CD109: variants seen among roughly 807,000 people sequenced by gnomAD.
CD109 encodes CD109 antigen.
A neutral mutation model predicts 165.8 loss-of-function variants in CD109; 149 were observed. That is an observed-to-expected ratio of 0.90 (90% CI 0.79 to 1.03). The LOEUF (loss-of-function observed/expected upper bound fraction) is 1.03. Among genes scored for constraint, CD109 ranks in the 50% least tolerant of loss-of-function variants. The pLI is 0.00. For missense variants in CD109, 1,712 were observed against 1,677.8 expected (o/e 1.02, Z -0.36); for synonymous variants, 585 against 592.1 (o/e 0.99, Z 0.18).
chr6:73,786,501 T>C (rs1387281185), intron 20 of CD109, among the ~76,000 whole-genome samples: 1 of 152,072 alleles, frequency 6.6e-6, no homozygotes, highest in Non-Finnish European at 1.5e-5. Context: ...CATGGTACCA[T>C]GTAACAAGCA....
chr6:73,711,362 G>A (rs914414395), intron 2 of CD109, among the ~76,000 whole-genome samples: 19 of 152,018 alleles, frequency 1.2e-4, no homozygotes, highest in African/African-American at 4.6e-4. Flanking sequence ...AAATAAGAGA[G>A]AAAAATATAA....
Position 73,823,548 on chromosome 6 carries a change from A to G in CD109, c.4253A>G (p.Asp1418Gly). 1 of 1,613,936 alleles carries G rather than the reference A, an allele frequency of 6.2e-7. No individual in the cohort carries two copies. The highest frequency in any genetic ancestry group is 8.5e-7 in the Non-Finnish European group (1 of 1,179,942). Reference sequence around the variant, plus strand: ...GTCCAGGGCTGCCGTCCTTGTGAGGATGGAGCTTCAGGCTCCCATCATCAC... The same window carrying G: ...GTCCAGGGCTGCCGTCCTTGTGAGGGTGGAGCTTCAGGCTCCCATCATCAC... ...SDVQGCRPCE[D>G]GASGSHHHSS... Residue 1418 changes from aspartate to glycine, a missense_variant, in exon 33 of 33, where the codon GAT (aspartate) becomes GGT (glycine). By Grantham distance (94) the Asp-to-Gly change is moderately conservative. Coordinates refer to ENST00000287097, the MANE Select transcript of CD109 (RefSeq NM_133493.5).
intron 29 of CD109, among the ~76,000 whole-genome samples, chr6:73,814,062 A>G (rs1387662792): frequency 6.6e-6 from 1 of 152,176 alleles, no homozygotes; most frequent in Non-Finnish European, 1.5e-5. Context: ...TTGTGGCAGA[A>G]TAAGAAGATT....
intron 7 of CD109, among the ~76,000 whole-genome samples, chr6:73,760,150 G>A (rs140555489): frequency 1.3e-5 from 2 of 152,262 alleles, no homozygotes; most frequent in East Asian, 3.9e-4. Flanking sequence ...GCTCACGCCT[G>A]TAATCCCAGC....
At chr6:73,686,599 A>G in the CD109 span, among the ~76,000 whole-genome samples, 45 of 152,326 alleles carry the variant, frequency 3.0e-4, no homozygotes, top group African/African-American at 7.7e-4. Context: ...ATACAATCCA[A>G]TGTGGTAGCT....
At position 73,787,425 on chromosome 6, in the gene CD109, T is replaced by A; in HGVS notation, c.2529T>A (p.Asp843Glu). Residue 843 changes from aspartate (D) to glutamate (E), a missense_variant, in exon 21 of 33, where the codon GAT becomes GAA. Transcript: ENST00000287097. ...TVTALSPTAS[D>E]AVTQMILVKA... is the part of the protein sequence containing the mutation. ...CAGCTCTTTCACCCACTGCTTCTGA[T>A]GCTGTCACCCAGATGATTTTAGTAA... The A allele has an allele frequency of 1.2e-6, 2 of 1,613,374 alleles. No homozygotes were observed. The highest frequency in any genetic ancestry group is 1.7e-6 in the Non-Finnish European group (2 of 1,179,362).
chr6:73,810,206 A>G (rs767824734), intron 27 of CD109, 32 bp downstream of exon 27: 21 of 714,230 alleles, frequency 2.9e-5, no homozygotes, highest in Non-Finnish European at 4.1e-5. Context: ...CCTTTAAACT[A>G]TAATATATAA....
At chr6:73,703,839 T>C (rs1014602060) in intron 2 of CD109, among the ~76,000 whole-genome samples, 6 of 152,146 alleles carry the variant, frequency 3.9e-5, no homozygotes, top group African/African-American at 1.4e-4. Flanking sequence ...AGAGTCCAAA[T>C]TGTATTTATT....
At chr6:73,749,670 A>G (rs1773115703) in intron 5 of CD109, among the ~76,000 whole-genome samples, 1 of 152,224 alleles carries the variant, frequency 6.6e-6, no homozygotes, top group Non-Finnish European at 1.5e-5. Context: ...ATGTGTGTGA[A>G]TGGGTCTCTC....
chr6:73,689,253 A>G, the CD109 span, among the ~76,000 whole-genome samples: 1 of 152,136 alleles, frequency 6.6e-6, no homozygotes, highest in South Asian at 2.1e-4. Context: ...GATTGTGGGA[A>G]CCCCAATTTA....
At position 73,697,397 on chromosome 6, in the gene CD109, T is replaced by C. The variant is rs756574515; in HGVS notation, c.75-3T>C. On this transcript the variant is annotated splice_region_variant and splice_polypyrimidine_tract_variant and intron_variant, in intron 1 of 32. Coordinates refer to ENST00000287097, the MANE Select transcript of CD109 (RefSeq NM_133493.5). ...TGTTTTTCCCTTGTTGGGAACTCTTTAGGCCTCGGTTTCTGGTGACAGCCC... is the reference window on the plus strand; with the variant it reads ...TGTTTTTCCCTTGTTGGGAACTCTTCAGGCCTCGGTTTCTGGTGACAGCCC... The C allele has an allele frequency of 6.2e-7, 1 of 1,613,644 alleles. No individual in the cohort carries two copies. Among genetic ancestry groups the C allele is most frequent in the Non-Finnish European group, 8.5e-7 (1 of 1,179,880 alleles).
intron 23 of CD109, 89 bp downstream of exon 23, chr6:73,792,891 T>A: frequency 3.0e-6 from 3 of 1,000,994 alleles, no homozygotes; most frequent in Non-Finnish European, 4.3e-6. Context: ...TCAAAATAGA[T>A]GGATTTTGTC....
the CD109 span, among the ~76,000 whole-genome samples, chr6:73,679,691 A>G: frequency 6.6e-6 from 1 of 151,316 alleles, no homozygotes. Context: ...GCTGGAGTGC[A>G]GCGGCACGAT....
the CD109 span, among the ~76,000 whole-genome samples, chr6:73,685,953 C>G: frequency 6.6e-6 from 1 of 152,244 alleles, no homozygotes; most frequent in African/African-American, 2.4e-5. Flanking sequence ...ACTTGTAGTA[C>G]TATATGGAGT....
the CD109 span, among the ~76,000 whole-genome samples, chr6:73,680,691 T>C: frequency 1.3e-5 from 2 of 152,094 alleles, no homozygotes; most frequent in African/African-American, 4.8e-5. Flanking sequence ...AAGAGGTGGA[T>C]TGATGGGGAA....
rs138997137 is a variant in CD109 at position 73,810,077 on chromosome 6, T to G, written c.3449T>G (p.Leu1150Arg). ...LDIEVAAYALLSHFLQFQTSE... is the reference protein window; with the variant it reads ...LDIEVAAYALRSHFLQFQTSE... ...ATTGAAGTTGCAGCCTATGCACTGC[T>G]CTCACACTTCTTACAATTTCAGACT... is the stretch of plus-strand genomic sequence containing the variant. The change falls in exon 27 of 33, where the codon CTC becomes CGC. Residue 1150 changes from leucine (L) to arginine (R), a missense_variant. Coordinates refer to ENST00000287097, the MANE Select transcript of CD109 (RefSeq NM_133493.5). The G allele has an allele frequency of 6.2e-7, 1 of 1,610,884 alleles. No homozygotes were observed. The highest frequency in any genetic ancestry group is 1.3e-5 in the African/African-American group (1 of 74,838).
At chr6:73,797,775 A>G (rs1398520270) in intron 23 of CD109, among the ~76,000 whole-genome samples, 1 of 152,180 alleles carries the variant, frequency 6.6e-6, no homozygotes, top group Non-Finnish European at 1.5e-5. Context: ...GGTTATCCCA[A>G]AGAAAATTCA....
intron 5 of CD109, among the ~76,000 whole-genome samples, chr6:73,749,332 A>G (rs1773098115): frequency 6.6e-6 from 1 of 152,200 alleles, no homozygotes; most frequent in African/African-American, 2.4e-5. Flanking sequence ...GGGATTTTTA[A>G]GGATCTTCAC....
At chr6:73,792,030 A>G (rs1287679556) in intron 22 of CD109, among the ~76,000 whole-genome samples, 1 of 152,192 alleles carries the variant, frequency 6.6e-6, no homozygotes, top group Admixed American at 6.5e-5. Flanking sequence ...TTGTGGTGTT[A>G]GGATGTGGGT....
Sources: allele counts gnomAD v4.1 joint callset (sites outside exome capture counted in the v4.1 genomes callset), GRCh38; gene constraint gnomAD v4.1.1; transcripts MANE v1.5; gene names NCBI Gene and HGNC (gene_info 2026-07-23, HGNC 2026-07-21).